RPL15: variants seen among roughly 807,000 people sequenced by gnomAD.
The protein encoded by RPL15 is ribosomal protein L15.
For missense variants in RPL15, 161 were observed against 271.8 expected (o/e 0.59, Z 2.87); for synonymous variants, 97 against 95.1 (o/e 1.02, Z -0.12).
At chr3:23,917,590 T>C (rs1704702878) in intron 1 of RPL15, 1 of 352,854 alleles carries the variant, frequency 2.8e-6, no homozygotes, top group Admixed American at 4.8e-5. Flanking sequence ...ACCCGCCCCC[T>C]TGGTGCTCAG....
chr3:23,919,178 C>G lies in RPL15; in HGVS notation c.310-18C>G, dbSNP rs775525444. The G allele has an allele frequency of 2.6e-5, 41 of 1,580,130 alleles. No homozygotes were observed. The highest frequency in any genetic ancestry group is 1.7e-5 in the Non-Finnish European group (20 of 1,149,842). On this transcript the variant is annotated intron_variant, in intron 3 of 3. Transcript: ENST00000307839. ...GGCAATGTGGGAGATTGACCTTGGG[C>G]CTTTTTTCCTATTCTAGGAGCGAGC...
At chr3:23,917,579 C>T in intron 1 of RPL15, 1 of 332,580 alleles carries the variant, frequency 3.0e-6, no homozygotes, top group Non-Finnish European at 5.5e-6. Flanking sequence ...CTGCCGCAGC[C>T]ACCCGCCCCC....
chr3:23,917,683 C>G (rs560830084), intron 1 of RPL15, 167 bp from the exon 2 acceptor site: 4 of 646,790 alleles, frequency 6.2e-6, no homozygotes, highest in Non-Finnish European at 1.0e-5. Flanking sequence ...AACGCGGCTC[C>G]GTGGGCGCAG....
At chr3:23,921,548 A>G, downstream of RPL15, 1 of 673,850 alleles carries the variant, frequency 1.5e-6, no homozygotes, top group African/African-American at 1.9e-5. Context: ...CATGTAATTC[A>G]CACAGCAACA....
At chr3:23,921,570 GTTTTTTT>G (rs71622703), downstream of RPL15, 26 of 508,856 alleles carry the variant, frequency 5.1e-5, no homozygotes, top group East Asian at 1.4e-4. Context: ...TGATTATTGA[GTTTTTTT>G]TTTTTTTTTT....
Position 23,919,610 on chromosome 3 carries a change from G to A in RPL15, c.*109G>A. The A allele has an allele frequency of 2.1e-6, 3 of 1,422,414 alleles. No homozygotes were observed. Among genetic ancestry groups the A allele is most frequent in the Non-Finnish European group, 2.7e-6 (3 of 1,092,332 alleles). 88.1% of individuals were successfully genotyped at this position (1,422,414 alleles called of 1,614,324 possible). ...ACTAGTCTGCAGATGTTTCTTGAAT[G>A]CTTTGTCAAATTAAGAAAGTTAAAG... On this transcript the variant is annotated 3_prime_UTR_variant, in exon 4 of 4. Transcript: ENST00000307839.
chr3:23,917,679 G>A, intron 1 of RPL15, 171 bp from the exon 2 acceptor site: 1 of 629,348 alleles, frequency 1.6e-6, no homozygotes, highest in Non-Finnish European at 2.7e-6. Context: ...ACTGAACGCG[G>A]CTCCGTGGGC....
At chr3:23,921,863 C>G, downstream of RPL15, 1 of 487,802 alleles carries the variant, frequency 2.1e-6, no homozygotes, top group Non-Finnish European at 3.6e-6. Flanking sequence ...GCGTGAGCCA[C>G]CACCCCCAGC....
chr3:23,918,390 G>A lies in RPL15; in HGVS notation c.173-50G>A, dbSNP rs113395170. 25,979 of 1,595,466 alleles carry A rather than the reference G, an allele frequency of 0.016. 238 individuals carry two copies. The highest frequency in any genetic ancestry group is 0.02 in the Non-Finnish European group (23,439 of 1,170,882). ...TTAGTGACAAGCCATTGAGTCTTAA[G>A]CCTTACGGCTTCCTATAAAATCACT... On this transcript the variant is annotated intron_variant, in intron 2 of 3. Coordinates refer to ENST00000307839, the MANE Select transcript of RPL15 (RefSeq NM_002948.5).
intron 2 of RPL15, 152 bp downstream of exon 2, chr3:23,918,183 C>T: frequency 1.9e-6 from 2 of 1,054,866 alleles, no homozygotes; most frequent in Admixed American, 2.9e-5. Context: ...ACTGTATGCA[C>T]TGTTGTCTAA....
chr3:23,920,729 C>A lies in RPL15; in HGVS notation c.*1228C>A. On this transcript the variant is annotated 3_prime_UTR_variant, in exon 4 of 4. Coordinates refer to ENST00000307839, the MANE Select transcript of RPL15 (RefSeq NM_002948.5). ...TTCCAGGAAGTACTCATAGCAAGTTCATAAAAGTTCTTGAGACCTAAATTT... is the reference window on the plus strand; with the variant it reads ...TTCCAGGAAGTACTCATAGCAAGTTAATAAAAGTTCTTGAGACCTAAATTT... 3 of 982,466 alleles carry A rather than the reference C, an allele frequency of 3.1e-6. No homozygotes were observed. Among genetic ancestry groups the A allele is most frequent in the Non-Finnish European group, 3.6e-6 (3 of 827,286 alleles). 60.9% of individuals were successfully genotyped at this position (982,466 alleles called of 1,614,324 possible). A position where few individuals can be genotyped will look rare whatever the true frequency, so the allele number is the denominator to read the frequency against.
downstream of RPL15, chr3:23,921,570 G>GTTTT (rs71622703): frequency 2.8e-3 from 1,439 of 506,202 alleles, 1 homozygote; most frequent in South Asian, 5.1e-3. Flanking sequence ...TGATTATTGA[G>GTTTT]TTTTTTTTTT....
At chr3:23,916,655 C>G (rs972698480), upstream of RPL15, 3 of 152,538 alleles carry the variant, frequency 2.0e-5, no homozygotes, top group African/African-American at 7.2e-5. Context: ...GTCGGGGGAT[C>G]TCTCAGCGCA....
chr3:23,922,209 A>C (rs2125260718), downstream of RPL15: 1 of 152,280 alleles, frequency 6.6e-6, no homozygotes, highest in African/African-American at 2.4e-5. The surrounding 1 kb of genome is among the most constrained non-coding windows in gnomAD (Gnocchi z 4.2). Flanking sequence ...ACACCACTGC[A>C]CTCCCATCTT....
In RPL15 at chr3:23,919,439, G is replaced by C. The variant is rs1337837105; in HGVS notation, c.553G>C (p.Gly185Arg). The change falls in exon 4 of 4, where the codon GGT becomes CGT. Residue 185 changes from glycine (G) to arginine (R), a missense_variant. By Grantham distance (125) the Gly-to-Arg change is moderately radical. Coordinates refer to ENST00000307839, the MANE Select transcript of RPL15 (RefSeq NM_002948.5). ...GGGCCACAAGTTCCACCACACTATT[G>C]GTGGCTCTCGCCGGGCAGCTTGGAG... ...GKGHKFHHTI[G>R]GSRRAAWRRR... 1 of 1,604,640 alleles carries C rather than the reference G, an allele frequency of 6.2e-7. No individual in the cohort carries two copies. The highest frequency in any genetic ancestry group is 8.5e-7 in the Non-Finnish European group (1 of 1,179,902).
downstream of RPL15, among the ~76,000 whole-genome samples, chr3:23,921,183 G>A (rs143666828): frequency 5.7e-4 from 87 of 152,196 alleles, 1 homozygote; most frequent in East Asian, 0.015. Flanking sequence ...GAAAGGGTTC[G>A]GGCCAAAGGT....
rs1704998829 is a variant in RPL15 at position 23,920,236 on chromosome 3, T to TTA, written c.*735_*736insTA. 1.0e-6 allele frequency: 1 copy of TTA among 985,846 alleles called. No individual in the cohort carries two copies. Among genetic ancestry groups the TTA allele is most frequent in the Non-Finnish European group, 1.2e-6 (1 of 829,902 alleles). 61.1% of individuals were successfully genotyped at this position (985,846 alleles called of 1,614,324 possible). A position where few individuals can be genotyped will look rare whatever the true frequency, so the allele number is the denominator to read the frequency against. On this transcript the variant is annotated 3_prime_UTR_variant, in exon 4 of 4. Transcript: ENST00000307839. ...AAATACTTAACCGTAATGCTAATTGTGATCATTATGAATCCCTTCAGTCAC... is the reference window on the plus strand; with the variant it reads ...AAATACTTAACCGTAATGCTAATTGTTAGATCATTATGAATCCCTTCAGTCAC...
chr3:23,924,230 CTA>C (rs1309164235), downstream of RPL15: 15 of 152,212 alleles, frequency 9.9e-5, no homozygotes, highest in Admixed American at 9.8e-4. Context: ...TTAGCCCTAA[CTA>C]ATTCAATAAA....
downstream of RPL15, among the ~76,000 whole-genome samples, chr3:23,921,327 A>G (rs1705069203): frequency 6.6e-6 from 1 of 152,202 alleles, no homozygotes; most frequent in Non-Finnish European, 1.5e-5. Context: ...TCCTCATGAT[A>G]GCTTTCATGA....
Sources: allele counts gnomAD v4.1 joint callset (sites outside exome capture counted in the v4.1 genomes callset), GRCh38; gene constraint gnomAD v4.1.1; non-coding constraint Gnocchi (gnomAD v3.1); transcripts MANE v1.5; gene names NCBI Gene and HGNC (gene_info 2026-07-23, HGNC 2026-07-21).